The following TARP variants were observed in gnomAD, a reference collection of about 807,000 sequenced individuals.
chr7:38,269,684 T>C, the TARP span: 2 of 569,974 alleles, frequency 3.5e-6, no homozygotes, highest in Non-Finnish European at 3.1e-6. Context: ...ACAAATCAAA[T>C]AACTTAAAGC....
chr7:38,271,440 A>G, the TARP span, among the ~76,000 whole-genome samples: 28 of 151,464 alleles, frequency 1.8e-4, 1 homozygote, highest in Non-Finnish European at 4.4e-5. Flanking sequence ...TCTCATATTA[A>G]AAAATGTTCT....
the TARP span, chr7:38,262,279 T>C: frequency 7.6e-7 from 1 of 1,311,746 alleles, no homozygotes; most frequent in African/African-American, 1.5e-5. Flanking sequence ...ATTAAATGAA[T>C]ATTTATAAAA....
chr7:38,265,448 G>A, the TARP span: 14 of 1,610,968 alleles, frequency 8.7e-6, no homozygotes, highest in Admixed American at 2.3e-4. Flanking sequence ...GACTTTTCTG[G>A]CACCGTTAAC....
chr7:38,271,368 C>G, the TARP span, among the ~76,000 whole-genome samples: 2 of 150,756 alleles, frequency 1.3e-5, no homozygotes, highest in Non-Finnish European at 3.0e-5. Context: ...GCTTTTTTTC[C>G]CCAAAATTTT....
the TARP span, chr7:38,265,332 T>C: frequency 1.3e-6 from 2 of 1,573,644 alleles, no homozygotes; most frequent in African/African-American, 1.4e-5. Flanking sequence ...TGACAGATGA[T>C]ATGCGTAAAC....
chr7:38,266,856 C>G, the TARP span, among the ~76,000 whole-genome samples: 6 of 150,424 alleles, frequency 4.0e-5, no homozygotes, highest in African/African-American at 1.5e-4. Context: ...AAAATGGCAA[C>G]TTTCCAAAAC....
At chr7:38,266,886 T>G in the TARP span, among the ~76,000 whole-genome samples, 5 of 152,042 alleles carry the variant, frequency 3.3e-5, no homozygotes, top group East Asian at 9.6e-4. Context: ...AATTTTTTCT[T>G]GATTATTTTC....
chr7:38,262,273 A>T, the TARP span: 1 of 1,345,560 alleles, frequency 7.4e-7, no homozygotes, highest in Non-Finnish European at 1.1e-6. Flanking sequence ...TGTGTAATTA[A>T]ATGAATATTT....
chr7:38,267,212 TAC>T, the TARP span, among the ~76,000 whole-genome samples: 10 of 151,816 alleles, frequency 6.6e-5, no homozygotes, highest in Admixed American at 1.3e-4. Context: ...GAATAAAATG[TAC>T]ATATAATTGC....
the TARP span, among the ~76,000 whole-genome samples, chr7:38,264,043 C>T: frequency 0.19 from 24,705 of 131,314 alleles, no homozygotes; most frequent in African/African-American, 0.37. Context: ...GTAACTGTTC[C>T]CCATAATAAA....
the TARP span, among the ~76,000 whole-genome samples, chr7:38,266,678 A>G: frequency 6.6e-6 from 1 of 151,618 alleles, no homozygotes; most frequent in Non-Finnish European, 1.5e-5. Context: ...CATACTGTCT[A>G]TCAAGTTGAC....
chr7:38,266,612 T>G, the TARP span, among the ~76,000 whole-genome samples: 10,218 of 151,432 alleles, frequency 0.067, 20 homozygotes, highest in African/African-American at 0.23. Flanking sequence ...TTTTGTTCAC[T>G]TTTATTTTTA....
the TARP span, among the ~76,000 whole-genome samples, chr7:38,271,653 G>GA: frequency 1.3e-5 from 2 of 151,004 alleles, no homozygotes; most frequent in African/African-American, 2.4e-5. Flanking sequence ...GAATAAATTG[G>GA]AAAAAAATAT....
the TARP span, among the ~76,000 whole-genome samples, chr7:38,268,003 CA>C: frequency 1.0e-3 from 155 of 151,208 alleles, no homozygotes; most frequent in African/African-American, 3.7e-3. Context: ...CTGGAACTTC[CA>C]AAACTTTCTC....
chr7:38,265,241 C>A, the TARP span: 17 of 834,554 alleles, frequency 2.0e-5, no homozygotes, highest in Non-Finnish European at 3.1e-5. Context: ...TTAAATGTAA[C>A]AATATTTAAG....
At chr7:38,265,779 T>A in the TARP span, 2 of 889,070 alleles carry the variant, frequency 2.2e-6, no homozygotes, top group Non-Finnish European at 3.4e-6. Flanking sequence ...AAAGAGAAGA[T>A]GCCATTGAGC....
chr7:38,265,258 T>A, the TARP span: 1 of 951,906 alleles, frequency 1.1e-6, no homozygotes, highest in Non-Finnish European at 1.5e-6. Flanking sequence ...TAAGAAAGAT[T>A]TATGTTTGTT....
the TARP span, among the ~76,000 whole-genome samples, chr7:38,263,764 C>G: frequency 2.6e-5 from 4 of 151,696 alleles, no homozygotes; most frequent in Non-Finnish European, 5.9e-5. Context: ...CTTGTCTATA[C>G]GGATATGATT....
chr7:38,264,395 A>C, the TARP span, among the ~76,000 whole-genome samples: 1 of 151,732 alleles, frequency 6.6e-6, no homozygotes, highest in South Asian at 2.1e-4. Context: ...ATTTGAGACC[A>C]GCCTGGCCAA....
Sources: allele counts gnomAD v4.1 joint callset (sites outside exome capture counted in the v4.1 genomes callset), GRCh38; gene constraint gnomAD v4.1.1; transcripts MANE v1.5.